The following KRABD5 variants were observed in gnomAD, a reference collection of about 807,000 sequenced individuals.
KRABD5 encodes the protein KRAB domain-containing protein 5.
At chr16:31,735,449 A>G in the KRABD5 span, among the ~76,000 whole-genome samples, 388 of 152,298 alleles carry the variant, frequency 2.5e-3, 4 homozygotes, top group African/African-American at 8.9e-3. Flanking sequence ...TTGCTGAATC[A>G]TATGACAGCT....
the KRABD5 span, among the ~76,000 whole-genome samples, chr16:31,721,670 T>C: frequency 6.6e-6 from 1 of 152,190 alleles, no homozygotes; most frequent in African/African-American, 2.4e-5. Flanking sequence ...ATCTAGTAAA[T>C]AGTAAGTGTT....
the KRABD5 span, among the ~76,000 whole-genome samples, chr16:31,743,313 A>G: frequency 1.3e-5 from 2 of 152,110 alleles, no homozygotes; most frequent in Admixed American, 1.3e-4. Flanking sequence ...GTGCAAGAAA[A>G]GGGTCTAGTT....
At chr16:31,728,522 T>A in the KRABD5 span, among the ~76,000 whole-genome samples, 22 of 152,286 alleles carry the variant, frequency 1.4e-4, no homozygotes, top group Non-Finnish European at 2.2e-4. Flanking sequence ...TATGTTTAGA[T>A]TTTTCTTTTG....
At chr16:31,740,741 T>G in the KRABD5 span, among the ~76,000 whole-genome samples, 3 of 152,070 alleles carry the variant, frequency 2.0e-5, no homozygotes, top group Non-Finnish European at 4.4e-5. Context: ...CTAGGCTACA[T>G]TGAGCTATGA....
chr16:31,721,633 C>CA, the KRABD5 span, among the ~76,000 whole-genome samples: 1 of 151,764 alleles, frequency 6.6e-6, no homozygotes, highest in Non-Finnish European at 1.5e-5. Context: ...TGGTTTTTAT[C>CA]AATACATGAA....
chr16:31,761,013 A>G, the KRABD5 span: 4 of 152,164 alleles, frequency 2.6e-5, no homozygotes, highest in Non-Finnish European at 5.9e-5. Flanking sequence ...ACTCTCCAGA[A>G]CCTCAAGGGC....
chr16:31,748,460 C>T, the KRABD5 span, among the ~76,000 whole-genome samples: 1 of 152,326 alleles, frequency 6.6e-6, no homozygotes, highest in Non-Finnish European at 1.5e-5. Context: ...TTATGTTCCT[C>T]TCTAAACTGT....
the KRABD5 span, chr16:31,753,953 A>T: frequency 1.9e-6 from 3 of 1,547,142 alleles, no homozygotes; most frequent in Non-Finnish European, 2.6e-6. Flanking sequence ...AATGTAAGAC[A>T]ACTACCTATA....
the KRABD5 span, among the ~76,000 whole-genome samples, chr16:31,713,710 G>T: frequency 6.6e-6 from 1 of 152,242 alleles, no homozygotes; most frequent in Non-Finnish European, 1.5e-5. Context: ...CGGTGAGAAC[G>T]TGAGGGTCTT....
the KRABD5 span, among the ~76,000 whole-genome samples, chr16:31,742,660 C>T: frequency 6.6e-6 from 1 of 152,164 alleles, no homozygotes; most frequent in Non-Finnish European, 1.5e-5. Flanking sequence ...GATTTATATT[C>T]CTTTGGGTAT....
the KRABD5 span, among the ~76,000 whole-genome samples, chr16:31,720,655 A>G: frequency 1.3e-5 from 2 of 152,212 alleles, no homozygotes; most frequent in African/African-American, 2.4e-5. Context: ...GTGCGTGAGC[A>G]TTGATACCAA....
At chr16:31,752,850 C>T in the KRABD5 span, among the ~76,000 whole-genome samples, 1 of 152,214 alleles carries the variant, frequency 6.6e-6, no homozygotes, top group South Asian at 2.1e-4. Flanking sequence ...AGTGCAAGAC[C>T]TTGTCTATAA....
chr16:31,737,230 G>A, the KRABD5 span, among the ~76,000 whole-genome samples: 2 of 150,558 alleles, frequency 1.3e-5, no homozygotes, highest in Non-Finnish European at 2.9e-5. Context: ...AGAAATAAAA[G>A]GCATCCAAAT....
chr16:31,725,645 G>A, the KRABD5 span, among the ~76,000 whole-genome samples: 1 of 152,326 alleles, frequency 6.6e-6, no homozygotes, highest in East Asian at 1.9e-4. Context: ...GATATCTCAT[G>A]ATCTGATATC....
chr16:31,742,167 A>AC, the KRABD5 span, among the ~76,000 whole-genome samples: 5 of 141,256 alleles, frequency 3.5e-5, no homozygotes, highest in Non-Finnish European at 7.6e-5. Flanking sequence ...TTTTTAAAAA[A>AC]AATTTTTTGT....
chr16:31,741,143 TTA>T, the KRABD5 span, among the ~76,000 whole-genome samples: 2 of 152,296 alleles, frequency 1.3e-5, no homozygotes, highest in African/African-American at 4.8e-5. Context: ...GGACATGATT[TTA>T]TTTTTTTTAT....
At chr16:31,725,716 C>G in the KRABD5 span, among the ~76,000 whole-genome samples, 1 of 152,114 alleles carries the variant, frequency 6.6e-6, no homozygotes, top group Non-Finnish European at 1.5e-5. Flanking sequence ...GTGTTCATTT[C>G]CCTGATGATT....
At chr16:31,760,638 C>T in the KRABD5 span, 8 of 151,686 alleles carry the variant, frequency 5.3e-5, no homozygotes, top group African/African-American at 1.5e-4. Context: ...GGAAATGTCT[C>T]TCTACAGATC....
chr16:31,760,899 C>A, the KRABD5 span: 1 of 152,092 alleles, frequency 6.6e-6, no homozygotes, highest in Admixed American at 6.6e-5. Context: ...GAAGACCTTC[C>A]AAGTTGCTTC....
Sources: gnomAD v4.1 joint callset for allele counts (sites outside exome capture counted in the v4.1 genomes callset) on GRCh38, gnomAD v4.1.1 for gene constraint, MANE v1.5 for transcripts, NCBI Gene and HGNC (gene_info 2026-07-23, HGNC 2026-07-21) for gene names.